The following KCNH1 variants were observed in gnomAD, a reference collection of about 807,000 sequenced individuals.
KCNH1 encodes the protein voltage-gated delayed rectifier potassium channel KCNH1.
A neutral mutation model predicts 69.2 loss-of-function variants in KCNH1; 27 were observed. The ratio of observed to expected loss-of-function variants is 0.39; its 90% CI spans 0.29 to 0.54. KCNH1 has a LOEUF of 0.54. Among genes scored for constraint, KCNH1 ranks in the 20% least tolerant of loss-of-function variants. KCNH1 has a pLI of 0.68. For synonymous variants in KCNH1, 456 were observed against 487.7 expected (o/e 0.93, Z 0.86); for missense variants, 798 against 1,261.6 (o/e 0.63, Z 5.57).
chr1:211,029,711 G>T (rs900045858), intron 5 of KCNH1, among the ~76,000 whole-genome samples: 2 of 151,978 alleles, frequency 1.3e-5, no homozygotes, highest in Non-Finnish European at 2.9e-5. Context: ...TGCAAAAAAA[G>T]GAAATAAATG....
chr1:211,095,454 C>G (rs780005249), intron 3 of KCNH1, among the ~76,000 whole-genome samples: 2 of 152,154 alleles, frequency 1.3e-5, no homozygotes, highest in Non-Finnish European at 2.9e-5. Flanking sequence ...TGATTTTCAT[C>G]CCTTATGTAG....
In KCNH1 at chr1:211,133,958, T is replaced by G; in HGVS notation, c.-13A>C. ...CAGCCATGGTCATCCTCCCAGCAGCTCGGGGTCCGGCGGGCGTCCTGGCGC... is the reference window on the plus strand; with the variant it reads ...CAGCCATGGTCATCCTCCCAGCAGCGCGGGGTCCGGCGGGCGTCCTGGCGC... On this transcript the variant is annotated 5_prime_UTR_variant, in exon 1 of 11. Transcript: ENST00000271751. The surrounding 1 kb of genome is among the most constrained non-coding windows in gnomAD (Gnocchi z 5.4). The G allele has an allele frequency of 6.2e-7, 1 of 1,605,748 alleles. No individual in the cohort carries two copies. The highest frequency in any genetic ancestry group is 8.5e-7 in the Non-Finnish European group (1 of 1,176,066).
intron 9 of KCNH1, among the ~76,000 whole-genome samples, chr1:210,789,246 C>T (rs1684169115): frequency 6.6e-6 from 1 of 152,182 alleles, no homozygotes. Flanking sequence ...CCCCTCCTCT[C>T]CATACTCAGC....
chr1:211,085,806 C>G (rs1690942332), intron 4 of KCNH1, among the ~76,000 whole-genome samples: 2 of 152,180 alleles, frequency 1.3e-5, no homozygotes, highest in South Asian at 4.1e-4. Context: ...TCAGAAGAAT[C>G]ACTTCTGGAG....
rs571611613 is a variant in KCNH1 at position 210,859,793 on chromosome 1, G to A, written c.1463-55627C>T. 58 of 1,018,858 alleles carry A rather than the reference G, an allele frequency of 5.7e-5. No individual in the cohort carries two copies. In the South Asian group the frequency reaches 7.1e-4, roughly 12 times the overall value. 63.1% of individuals were successfully genotyped at this position (1,018,858 alleles called of 1,614,324 possible). ...CTGAGAACACACATCCTTCTGTCAT[G>A]AAGCCCCAAGAAACAGTCAACATCA... On this transcript the variant is annotated intron_variant, in intron 7 of 10. Coordinates refer to ENST00000271751, the MANE Select transcript of KCNH1 (RefSeq NM_172362.3).
chr1:210,903,053 C>A (rs1468915023), intron 7 of KCNH1, among the ~76,000 whole-genome samples: 1 of 152,156 alleles, frequency 6.6e-6, no homozygotes, highest in Non-Finnish European at 1.5e-5. Context: ...TATGTGAATG[C>A]ATTTCATTCT....
intron 2 of KCNH1, among the ~76,000 whole-genome samples, chr1:211,104,969 T>C (rs1235492178): frequency 6.6e-6 from 1 of 152,186 alleles, no homozygotes; most frequent in Non-Finnish European, 1.5e-5. Flanking sequence ...AGAACAGCCT[T>C]GGGCTTACTA....
At chr1:210,971,027 A>G (rs1403201315) in intron 6 of KCNH1, among the ~76,000 whole-genome samples, 1 of 152,228 alleles carries the variant, frequency 6.6e-6, no homozygotes, top group Non-Finnish European at 1.5e-5. Context: ...TATGCGGCCA[A>G]TAAACATGAA....
In KCNH1 at chr1:210,713,177, A is replaced by AGAT. The variant is rs1682121282; in HGVS notation, c.2113-29042_2113-29040dup. ...ATGCTCGCTTAGATGCATAAACACA[A>AGAT]GATAAATCATAACATAATAAGGACA... On this transcript the variant is annotated intron_variant, in intron 10 of 10. Coordinates refer to ENST00000271751, the MANE Select transcript of KCNH1 (RefSeq NM_172362.3). Among the ~76,000 whole-genome samples the AGAT allele has an allele frequency of 1.3e-5, 2 of 152,252 alleles. 1 individual carries two copies. The highest frequency in any genetic ancestry group is 4.1e-4 in the South Asian group (2 of 4,830).
In KCNH1 at chr1:210,688,496, A is replaced by G. The variant is rs1681455750; in HGVS notation, c.2113-4358T>C. 7.9e-5 allele frequency among the ~76,000 whole-genome samples: 12 copies of G among 152,184 alleles called. 2 individuals are homozygous for G. Among genetic ancestry groups the G allele is most frequent in the Admixed American group, 7.9e-4 (12 of 15,286 alleles). Reference sequence around the variant, plus strand: ...CCCTCCCTCCAAAAATCTGCTTCTAATGTTTGTGGTTTAATGGGGAGAGAG... The same window carrying G: ...CCCTCCCTCCAAAAATCTGCTTCTAGTGTTTGTGGTTTAATGGGGAGAGAG... On this transcript the variant is annotated intron_variant, in intron 10 of 10. Transcript: ENST00000271751.
chr1:211,132,114 T>A (rs192026144), intron 1 of KCNH1, among the ~76,000 whole-genome samples: 1 of 152,220 alleles, frequency 6.6e-6, no homozygotes, highest in African/African-American at 2.4e-5. Context: ...ACAGTATACA[T>A]TAGGTACTGG....
intron 10 of KCNH1, among the ~76,000 whole-genome samples, chr1:210,763,676 T>C (rs1034064810): frequency 7.2e-5 from 11 of 152,030 alleles, no homozygotes; most frequent in Non-Finnish European, 1.6e-4. Context: ...AAAAGACCTC[T>C]CCTGGAAGAA....
chr1:210,748,943 C>G (rs908237489), intron 10 of KCNH1, among the ~76,000 whole-genome samples: 2 of 152,206 alleles, frequency 1.3e-5, no homozygotes, highest in East Asian at 3.9e-4. Context: ...AGGCTTTGGC[C>G]TTCTGGCTGT....
At chr1:210,870,748 T>G (rs1686221346) in intron 7 of KCNH1, among the ~76,000 whole-genome samples, 1 of 152,158 alleles carries the variant, frequency 6.6e-6, no homozygotes, top group Non-Finnish European at 1.5e-5. Flanking sequence ...CTTTCTAATA[T>G]CTCCTTGGTT....
chr1:210,735,417 A>AGTGTGTGTGTGT (rs1171327261), intron 10 of KCNH1, among the ~76,000 whole-genome samples: 1 of 115,968 alleles, frequency 8.6e-6, no homozygotes, highest in Non-Finnish European at 1.7e-5. Context: ...TGAATGAGTG[A>AGTGTGTGTGTGT]GTGAGTGTGT....
intron 5 of KCNH1, among the ~76,000 whole-genome samples, chr1:211,073,805 A>C (rs369454039): frequency 5.9e-5 from 9 of 152,114 alleles, no homozygotes; most frequent in African/African-American, 2.2e-4. Flanking sequence ...GAAACTAAAA[A>C]ATTAAAGCAA....
chr1:210,731,308 A>G (rs1394019370), intron 10 of KCNH1, among the ~76,000 whole-genome samples: 3 of 152,340 alleles, frequency 2.0e-5, no homozygotes, highest in African/African-American at 7.2e-5. Flanking sequence ...AACTTCACAG[A>G]GAAGTTAAAA....
intron 7 of KCNH1, among the ~76,000 whole-genome samples, chr1:210,838,448 C>T (rs1302943346): frequency 6.6e-6 from 1 of 151,212 alleles, no homozygotes; most frequent in Non-Finnish European, 1.5e-5. Flanking sequence ...AATATAAAAC[C>T]CAAAACTATA....
At chr1:211,086,788 G>GTA (rs1690960011) in intron 4 of KCNH1, among the ~76,000 whole-genome samples, 1 of 152,070 alleles carries the variant, frequency 6.6e-6, no homozygotes, top group Admixed American at 6.6e-5. Flanking sequence ...AAGTCCAGGG[G>GTA]TACCAAAAAA....
Sources: allele counts gnomAD v4.1 joint callset (sites outside exome capture counted in the v4.1 genomes callset), GRCh38; gene constraint gnomAD v4.1.1; non-coding constraint Gnocchi (gnomAD v3.1); transcripts MANE v1.5; gene names NCBI Gene and HGNC (gene_info 2026-07-23, HGNC 2026-07-21).